Variants in TAFA4 observed in about 807,000 individuals in gnomAD.
TAFA4 encodes the protein TAFA chemokine like family member 4.
In TAFA4, 20 loss-of-function variants were observed where a neutral mutation model predicts 21.1. The ratio of observed to expected loss-of-function variants is 0.95; its 90% CI spans 0.67 to 1.38. The LOEUF is 1.38. Ranked by LOEUF, TAFA4 falls within the 40% of genes most tolerant of loss-of-function variation. The pLI is 0.00. For synonymous variants in TAFA4, 71 were observed against 67.4 expected (o/e 1.05, Z -0.26); for missense variants, 211 against 180.9 (o/e 1.17, Z -0.95).
chr3:68,894,790 C>T (rs1173712329), intron 1 of TAFA4, among the ~76,000 whole-genome samples: 3 of 152,260 alleles, frequency 2.0e-5, no homozygotes, highest in Non-Finnish European at 1.5e-5. Context: ...GGCAACAGCA[C>T]AGAACAGTAA....
rs2089659471 is a variant in TAFA4, at chr3:68,885,284, C to A, written c.-96G>T. 1 of 1,181,408 alleles carries A rather than the reference C, an allele frequency of 8.5e-7. No homozygotes were observed. 73.2% of individuals were successfully genotyped at this position (1,181,408 alleles called of 1,614,324 possible). The stretch of plus-strand genomic sequence containing the variant: ...GCTAGAACCAATCATTTCTGCCGTT[C>A]CAAAAAATTATCGTAGCTCAGAAGA... On this transcript the variant is annotated 5_prime_UTR_variant, in exon 2 of 6. Coordinates refer to ENST00000295569, the MANE Select transcript of TAFA4 (RefSeq NM_182522.5).
chr3:68,874,254 C>T (rs2089520959), intron 3 of TAFA4, among the ~76,000 whole-genome samples: 1 of 152,154 alleles, frequency 6.6e-6, no homozygotes, highest in Admixed American at 6.6e-5. Context: ...CAAACACAGT[C>T]TTCTCACAAT....
intron 3 of TAFA4, among the ~76,000 whole-genome samples, chr3:68,876,171 T>C (rs145351253): frequency 2.6e-5 from 4 of 152,310 alleles, no homozygotes; most frequent in Admixed American, 1.3e-4. Context: ...AAAATGATAA[T>C]ATTTTGAATA....
At chr3:68,806,789 A>G (rs1386037160) in intron 3 of TAFA4, among the ~76,000 whole-genome samples, 8 of 152,116 alleles carry the variant, frequency 5.3e-5, no homozygotes, top group Non-Finnish European at 1.2e-4. Context: ...CCATGAGAAA[A>G]AAACAAGAAG....
At chr3:68,839,145 A>G (rs1704595370) in intron 3 of TAFA4, among the ~76,000 whole-genome samples, 1 of 152,198 alleles carries the variant, frequency 6.6e-6, no homozygotes, top group African/African-American at 2.4e-5. Flanking sequence ...TGGAGATTAT[A>G]TTCTAGCAGA....
At chr3:68,842,379 C>T (rs11128097) in intron 3 of TAFA4, among the ~76,000 whole-genome samples, 38,471 of 152,070 alleles carry the variant, frequency 0.25, 5,340 homozygotes, top group Middle Eastern at 0.31. Flanking sequence ...CCTTCACCCA[C>T]TCTTTGATGG....
At chr3:68,794,952 GT>G (rs1368843199) in intron 3 of TAFA4, among the ~76,000 whole-genome samples, 1 of 151,308 alleles carries the variant, frequency 6.6e-6, no homozygotes, top group African/African-American at 2.4e-5. Flanking sequence ...CCTACCAAGT[GT>G]TAGAAAGCCT....
rs1491303927 is a variant in TAFA4, at chr3:68,880,079, A to AC, written c.130+650_130+651insG. On this transcript the variant is annotated intron_variant, in intron 3 of 5. Transcript: ENST00000295569. The stretch of plus-strand genomic sequence containing the variant: ...GAAACACACACACACACACACACAC[A>AC]AACACACAAACTGATCGGTAGCTGA... 7.0e-3 allele frequency among the ~76,000 whole-genome samples: 1,052 copies of AC among 149,554 alleles called. 8 individuals are homozygous for AC. Among genetic ancestry groups the AC allele is most frequent in the African/African-American group, 0.025 (1,013 of 40,862 alleles).
intron 3 of TAFA4, among the ~76,000 whole-genome samples, chr3:68,783,961 C>T (rs1015123906): frequency 6.6e-6 from 1 of 152,030 alleles, no homozygotes; most frequent in Non-Finnish European, 1.5e-5. Context: ...GGTCAAAACA[C>T]AAATGACAAA....
intron 1 of TAFA4, among the ~76,000 whole-genome samples, chr3:68,886,190 A>AT (rs778398657): frequency 1.8e-4 from 27 of 152,312 alleles, no homozygotes; most frequent in South Asian, 6.2e-4. Context: ...CACAACTGAG[A>AT]TTTTTCTCTT....
chr3:68,842,062 AG>A (rs1704678410), intron 3 of TAFA4, among the ~76,000 whole-genome samples: 1 of 152,212 alleles, frequency 6.6e-6, no homozygotes. Context: ...GTATATACAC[AG>A]TAATGGGACT....
intron 3 of TAFA4, among the ~76,000 whole-genome samples, chr3:68,872,201 T>A (rs1026985458): frequency 1.3e-5 from 2 of 152,092 alleles, no homozygotes; most frequent in African/African-American, 4.8e-5. Flanking sequence ...CATATATATA[T>A]ATAATGGAAT....
intron 4 of TAFA4, among the ~76,000 whole-genome samples, chr3:68,741,354 A>G (rs1176228100): frequency 7.2e-5 from 11 of 152,022 alleles, no homozygotes; most frequent in Non-Finnish European, 1.5e-4. Context: ...ATTGATTCTT[A>G]AGTGTTTTAT....
In TAFA4 at chr3:68,752,879, T is replaced by G; in HGVS notation, c.270A>C (p.Gln90His). The G allele has an allele frequency of 1.2e-6, 2 of 1,614,082 alleles. No individual in the cohort carries two copies. Among genetic ancestry groups the G allele is most frequent in the Non-Finnish European group, 1.7e-6 (2 of 1,180,014 alleles). Reference sequence around the variant, plus strand: ...AGGTCTTACCTTCAACACAAGAAGGTTGAGCCCGAGTTGTGCCCGCCACCT... The same window carrying G: ...AGGTCTTACCTTCAACACAAGAAGGGTGAGCCCGAGTTGTGCCCGCCACCT... ...PGQVAGTTRA[Q>H]PSCVEASIVI... Residue 90 changes from glutamine to histidine, a missense_variant, in exon 4 of 6, where the codon CAA becomes CAC. Physicochemically the swap from Gln to His is conservative, Grantham distance 24. Transcript: ENST00000295569.
intron 3 of TAFA4, among the ~76,000 whole-genome samples, chr3:68,804,439 G>A (rs1009444082): frequency 1.3e-5 from 2 of 152,054 alleles, no homozygotes; most frequent in African/African-American, 4.8e-5. Flanking sequence ...CACAGAATTG[G>A]AAAAAACTAC....
chr3:68,764,790 T>C (rs1256637024), intron 3 of TAFA4, among the ~76,000 whole-genome samples: 1 of 152,150 alleles, frequency 6.6e-6, no homozygotes, highest in African/African-American at 2.4e-5. Context: ...TGGCTCCCCA[T>C]GCTCAGTCCA....
intron 4 of TAFA4, among the ~76,000 whole-genome samples, chr3:68,742,273 CAATAGAGTACCA>C (rs1236624813): frequency 1.1e-5 from 1 of 93,818 alleles, no homozygotes; most frequent in Non-Finnish European, 2.2e-5. Flanking sequence ...CATTTCTATT[CAATAGAGTACCA>C]AAAGTCTTAG....
intron 1 of TAFA4, among the ~76,000 whole-genome samples, chr3:68,891,787 A>G (rs937753109): frequency 5.3e-5 from 8 of 152,208 alleles, no homozygotes; most frequent in Non-Finnish European, 1.0e-4. Context: ...TAATCAATAG[A>G]AATCTCGAAG....
chr3:68,859,212 T>C (rs1220123147), intron 3 of TAFA4, among the ~76,000 whole-genome samples: 1 of 152,158 alleles, frequency 6.6e-6, no homozygotes, highest in Admixed American at 6.5e-5. Context: ...AGCCACCACT[T>C]TGAGAGCTTT....
Sources: allele counts gnomAD v4.1 joint callset (sites outside exome capture counted in the v4.1 genomes callset), GRCh38; gene constraint gnomAD v4.1.1; transcripts MANE v1.5; gene names NCBI Gene and HGNC (gene_info 2026-07-23, HGNC 2026-07-21).